CENPN: variants seen among roughly 807,000 people sequenced by gnomAD.
CENPN encodes the protein interphase centromere complex protein 32.
CENPN carries 36 observed loss-of-function variants against 48.6 expected under a neutral mutation model. The ratio of observed to expected loss-of-function variants is 0.74; its 90% CI spans 0.57 to 0.98. The LOEUF (loss-of-function observed/expected upper bound fraction) is 0.98, where lower values mean the gene tolerates loss of function less well. Among genes scored for constraint, CENPN ranks in the 50% least tolerant of loss-of-function variants. The pLI is 0.00. For synonymous variants in CENPN, 166 were observed against 135.2 expected (o/e 1.23, Z -1.58); for missense variants, 439 against 399.2 (o/e 1.10, Z -0.85).
chr16:81,011,997 G>T lies in CENPN; in HGVS notation c.58G>T (p.Glu20Ter). The stretch of plus-strand genomic sequence containing the variant: ...GACCATCTTGAAAATCCCCATGAAT[G>T]AACTGACAACAATCCTGAAGGCCTG... ...KRTILKIPMNELTTILKAWDF... is the reference protein window; with the variant it reads ...KRTILKIPMN The change falls in exon 2 of 11, where the codon GAA becomes TAA. Residue 20 changes from glutamate to a stop codon, truncating the protein, a stop_gained. Coordinates refer to ENST00000305850, the MANE Select transcript of CENPN (RefSeq NM_001100624.3). LOFTEE classifies it high-confidence loss of function. The T allele has an allele frequency of 6.2e-7, 1 of 1,614,104 alleles. No individual in the cohort carries two copies. Among genetic ancestry groups the T allele is most frequent in the Non-Finnish European group, 8.5e-7 (1 of 1,179,970 alleles).
At chr16:81,023,154 G>A (rs748363786) in intron 7 of CENPN, 120 of 339,300 alleles carry the variant, frequency 3.5e-4, no homozygotes, top group Non-Finnish European at 5.4e-4. Context: ...TAATTTGAAT[G>A]TAATGTTCCC....
rs906941931 is a variant in CENPN at position 81,029,830 on chromosome 16, C to G, written c.*1179C>G. Among the ~76,000 whole-genome samples, 1 of 152,162 alleles carries G rather than the reference C, an allele frequency of 6.6e-6. No homozygotes were observed. The highest frequency in any genetic ancestry group is 2.4e-5 in the African/African-American group (1 of 41,422). On this transcript the variant is annotated 3_prime_UTR_variant, in exon 11 of 11. Coordinates refer to ENST00000305850, the MANE Select transcript of CENPN (RefSeq NM_001100624.3). ...GCTCAAGCAATCTGCCCATTTTAGC[C>G]TCCTAAAATGCTGGGATTATAGGAG...
At chr16:81,012,158 G>A (rs1396093579) in intron 2 of CENPN, 48 bp downstream of exon 2, 1 of 1,551,740 alleles carries the variant, frequency 6.4e-7, no homozygotes, top group Admixed American at 1.8e-5. Context: ...CTACCCCCTT[G>A]GGTTTTTCTT....
chr16:81,024,152 ATC>A (rs1689557027), intron 7 of CENPN: 1 of 151,796 alleles, frequency 6.6e-6, no homozygotes, highest in Non-Finnish European at 1.5e-5. Context: ...AGTTAGGAGG[ATC>A]TCCAAAGCCC....
At chr16:81,018,799 C>G (rs902905253) in intron 5 of CENPN, among the ~76,000 whole-genome samples, 4 of 152,158 alleles carry the variant, frequency 2.6e-5, no homozygotes, top group African/African-American at 7.2e-5. Flanking sequence ...AAAGAATGAG[C>G]AGAATTTGCT....
Position 81,024,755 on chromosome 16 carries a change from G to C in CENPN, c.674G>C (p.Arg225Thr). 6.2e-7 allele frequency: 1 copy of C among 1,610,230 alleles called. No individual in the cohort carries two copies. Among genetic ancestry groups the C allele is most frequent in the South Asian group, 1.1e-5 (1 of 90,524 alleles). Residue 225 changes from arginine (R) to threonine (T), a missense_variant, in exon 8 of 11, where the codon AGA becomes ACA. Transcript: ENST00000305850. ...AACTCTACGACACCTCTACAGGAAA[G>C]AAGCCTTGGACTAGATATAAATAGT... ...THNSTTPLQERSLGLDINMDS... is the reference protein window; with the variant it reads ...THNSTTPLQETSLGLDINMDS...
At chr16:81,032,476 C>G (rs539027183), downstream of CENPN, 120 of 1,294,960 alleles carry the variant, frequency 9.3e-5, no homozygotes, top group South Asian at 6.2e-4. Flanking sequence ...CTGATGCCTC[C>G]CCTCCCCACC....
At chr16:81,027,792 C>CCT (rs1970577236) in intron 9 of CENPN, among the ~76,000 whole-genome samples, 1 of 152,204 alleles carries the variant, frequency 6.6e-6, no homozygotes, top group South Asian at 2.1e-4. Context: ...GCAGCCTCCG[C>CCT]CTCCTGGGTT....
Position 81,020,471 on chromosome 16 carries a change from T to C in CENPN, c.531+195T>C, listed in dbSNP as rs145597875. On this transcript the variant is annotated intron_variant, in intron 6 of 10. Coordinates refer to ENST00000305850, the MANE Select transcript of CENPN (RefSeq NM_001100624.3). ...CCACGAGTCCAAGGCTGCCGTGAGCTGCGATCACAAGACAAAGCAACACCC... is the reference window on the plus strand; with the variant it reads ...CCACGAGTCCAAGGCTGCCGTGAGCCGCGATCACAAGACAAAGCAACACCC... 1,401 of 455,638 alleles carry C rather than the reference T, an allele frequency of 3.1e-3. 4 individuals carry two copies. Among genetic ancestry groups the C allele is most frequent in the Non-Finnish European group, 4.7e-3 (1,250 of 265,020 alleles). The allele number at this position is 455,638 out of a possible 1,614,324, so 28.2% of individuals were successfully genotyped here.
At chr16:81,018,268 G>A (rs112464013) in intron 5 of CENPN, among the ~76,000 whole-genome samples, 95 of 152,066 alleles carry the variant, frequency 6.2e-4, no homozygotes, top group African/African-American at 2.2e-3. Context: ...CTGCCTCCTG[G>A]GTTCAAGCAA....
At position 81,028,546 on chromosome 16, in the gene CENPN, C is replaced by CT. The variant is rs10579473; in HGVS notation, c.938-9dup. On this transcript the variant is annotated intron_variant, in intron 10 of 10. Transcript: ENST00000305850. ...TGATGACTTTTAATTTTCTTTTTCC[C>CT]TTTTTTTTTTTTTTAATTTCAGGTA... 2,232 of 1,577,542 alleles carry CT rather than the reference C, an allele frequency of 1.4e-3. 2 individuals carry two copies. Among genetic ancestry groups the CT allele is most frequent in the African/African-American group, 8.1e-3 (577 of 71,188 alleles).
chr16:81,011,844 C>G, intron 1 of CENPN, 86 bp from the exon 2 acceptor site: 1 of 1,115,602 alleles, frequency 9.0e-7, no homozygotes, highest in South Asian at 1.5e-5. Flanking sequence ...CTCTATTTTT[C>G]ATATGTGTAT....
At chr16:81,024,936 A>C (rs1019879964) in intron 8 of CENPN, among the ~76,000 whole-genome samples, 158 bp downstream of exon 8, 5 of 152,268 alleles carry the variant, frequency 3.3e-5, no homozygotes, top group Admixed American at 6.5e-5. Flanking sequence ...AGGAAAGCTA[A>C]TCTACCATAG....
At chr16:81,020,001 A>G (rs1452238097) in intron 5 of CENPN, 99 bp from the exon 6 acceptor site, 3 of 974,764 alleles carry the variant, frequency 3.1e-6, no homozygotes, top group East Asian at 2.6e-5. Flanking sequence ...ATACAAGAGT[A>G]TAGGGACATC....
At chr16:81,015,731 C>G (rs571968159) in intron 3 of CENPN, among the ~76,000 whole-genome samples, 1 of 152,132 alleles carries the variant, frequency 6.6e-6, no homozygotes, top group African/African-American at 2.4e-5. Flanking sequence ...CCTGGCTGGA[C>G]GCAGTGGCTC....
intron 4 of CENPN, 26 bp from the exon 5 acceptor site, chr16:81,017,732 T>C (rs1969992543): frequency 1.3e-6 from 2 of 1,520,044 alleles, no homozygotes. Context: ...CCTTGATTTT[T>C]CTTTATTTTT....
chr16:81,008,279 T>A (rs1969556701), intron 1 of CENPN, among the ~76,000 whole-genome samples: 1 of 152,154 alleles, frequency 6.6e-6, no homozygotes, highest in Non-Finnish European at 1.5e-5. Context: ...AGATGCTAAA[T>A]CTCAAGCCCT....
chr16:81,026,720 A>G, intron 9 of CENPN, 82 bp downstream of exon 9: 1 of 613,760 alleles, frequency 1.6e-6, no homozygotes, highest in Non-Finnish European at 2.8e-6. Context: ...AAACAGATCT[A>G]AGAAACTGTT....
At chr16:81,020,551 C>T (rs1023774629) in intron 6 of CENPN, 12 of 277,116 alleles carry the variant, frequency 4.3e-5, no homozygotes, top group African/African-American at 8.7e-5. Context: ...TTCTTGTTCT[C>T]CTAAAATAAG....
Sources: gnomAD v4.1 joint callset for allele counts (sites outside exome capture counted in the v4.1 genomes callset) on GRCh38, gnomAD v4.1.1 for gene constraint, MANE v1.5 for transcripts, NCBI Gene and HGNC (gene_info 2026-07-23, HGNC 2026-07-21) for gene names.